Variants in KCNAB1 observed in about 807,000 individuals in gnomAD.
KCNAB1 encodes the protein voltage-gated potassium channel subunit beta-1.
Under a neutral mutation model 64.6 loss-of-function variants are expected in KCNAB1, and 35 were observed. The ratio of observed to expected loss-of-function variants is 0.54; its 90% CI spans 0.41 to 0.72. KCNAB1 has a LOEUF of 0.72. Among genes scored for constraint, KCNAB1 ranks in the 30% least tolerant of loss-of-function variants. The probability of loss-of-function intolerance (pLI) is 0.00; values close to 1 mark genes in which losing one functional copy is unlikely to be tolerated. For synonymous variants in KCNAB1, 177 were observed against 183.8 expected (o/e 0.96, Z 0.30); for missense variants, 401 against 512.9 (o/e 0.78, Z 2.11).
At chr3:156,497,605 A>C (rs1417248505) in intron 8 of KCNAB1, among the ~76,000 whole-genome samples, 1 of 152,246 alleles carries the variant, frequency 6.6e-6, no homozygotes, top group African/African-American at 2.4e-5. Flanking sequence ...TAAGGATGAC[A>C]TTTACACAAT....
At chr3:156,523,285 C>T (rs1484057336) in intron 11 of KCNAB1, among the ~76,000 whole-genome samples, 3 of 152,274 alleles carry the variant, frequency 2.0e-5, no homozygotes, top group Middle Eastern at 3.4e-3. Context: ...TAGGAAGAAG[C>T]TGCAGAAGCT....
chr3:156,223,366 A>G (rs1715912222), intron 1 of KCNAB1, among the ~76,000 whole-genome samples: 1 of 152,206 alleles, frequency 6.6e-6, no homozygotes, highest in African/African-American at 2.4e-5. Context: ...GGCCCTACCC[A>G]CATCCTGCTG....
intron 1 of KCNAB1, among the ~76,000 whole-genome samples, chr3:156,281,520 G>T (rs1037804327): frequency 4.6e-5 from 7 of 152,036 alleles, no homozygotes; most frequent in African/African-American, 1.7e-4. Flanking sequence ...CTATTGATTG[G>T]AATAGTTTCA....
intron 1 of KCNAB1, among the ~76,000 whole-genome samples, chr3:156,353,627 T>C (rs6441062): frequency 0.12 from 18,450 of 152,126 alleles, 2,989 homozygotes; most frequent in African/African-American, 0.38. Flanking sequence ...GGCTCAGAGG[T>C]AGGAAGAGCC....
chr3:156,399,080 C>A (rs969537769), intron 1 of KCNAB1, among the ~76,000 whole-genome samples: 5 of 152,164 alleles, frequency 3.3e-5, no homozygotes, highest in African/African-American at 1.2e-4. Context: ...TTTGGGGCAA[C>A]ATTTGGGCAT....
At chr3:156,431,678 A>G (rs778883395) in intron 2 of KCNAB1, among the ~76,000 whole-genome samples, 4 of 152,248 alleles carry the variant, frequency 2.6e-5, no homozygotes, top group Non-Finnish European at 5.9e-5. Flanking sequence ...CTTCCACAGT[A>G]AGCCAACAGA....
At chr3:156,305,446 A>G (rs1721433469) in intron 1 of KCNAB1, among the ~76,000 whole-genome samples, 1 of 152,180 alleles carries the variant, frequency 6.6e-6, no homozygotes, top group South Asian at 2.1e-4. Context: ...GTGGGATTGC[A>G]TTACAATACA....
intron 1 of KCNAB1, among the ~76,000 whole-genome samples, chr3:156,347,792 T>C (rs1188521638): frequency 6.6e-6 from 1 of 152,238 alleles, no homozygotes; most frequent in Non-Finnish European, 1.5e-5. Context: ...CTCATCTTTG[T>C]GTACTTCAAA....
At chr3:156,215,262 C>T (rs932605170) in intron 1 of KCNAB1, among the ~76,000 whole-genome samples, 1 of 152,188 alleles carries the variant, frequency 6.6e-6, no homozygotes, top group Non-Finnish European at 1.5e-5. Context: ...AACCTACGCT[C>T]TTGAGCAAGG....
At chr3:156,525,012 G>A (rs7611142) in intron 12 of KCNAB1, among the ~76,000 whole-genome samples, 74,730 of 151,882 alleles carry the variant, frequency 0.49, 18,623 homozygotes, top group East Asian at 0.62. Flanking sequence ...TGCACTGCCA[G>A]TAATATAAAA....
intron 3 of KCNAB1, chr3:156,457,208 C>T: frequency 7.8e-7 from 1 of 1,283,666 alleles, no homozygotes; most frequent in Non-Finnish European, 9.9e-7. Flanking sequence ...CAAATCTATC[C>T]ACTTTGGGCA....
intron 6 of KCNAB1, 80 bp downstream of exon 6, chr3:156,463,826 CG>C: frequency 1.8e-6 from 2 of 1,114,152 alleles, no homozygotes; most frequent in Non-Finnish European, 2.6e-6. Context: ...TTACATATAA[CG>C]TACCAAAATT....
At chr3:156,294,865 T>C (rs919279379) in intron 1 of KCNAB1, among the ~76,000 whole-genome samples, 1 of 152,192 alleles carries the variant, frequency 6.6e-6, no homozygotes, top group African/African-American at 2.4e-5. Context: ...TCACCAGAAT[T>C]TGAAAATGGT....
intron 8 of KCNAB1, among the ~76,000 whole-genome samples, chr3:156,489,189 G>A (rs1329505178): frequency 6.6e-6 from 1 of 152,050 alleles, no homozygotes; most frequent in African/African-American, 2.4e-5. Flanking sequence ...TTCAACCCTT[G>A]AGAATTGATG....
intron 1 of KCNAB1, among the ~76,000 whole-genome samples, chr3:156,209,806 C>T (rs1222884777): frequency 6.6e-6 from 1 of 152,194 alleles, no homozygotes; most frequent in Non-Finnish European, 1.5e-5. Context: ...ATGCCTTCAG[C>T]ATCTTGTTCA....
At chr3:156,241,688 A>G (rs1378653804) in intron 1 of KCNAB1, among the ~76,000 whole-genome samples, 1 of 152,046 alleles carries the variant, frequency 6.6e-6, no homozygotes, top group Non-Finnish European at 1.5e-5. Flanking sequence ...AGCACCTGGG[A>G]GAGTTCCTTC....
At chr3:156,176,417 G>A in intron 1 of KCNAB1, 3 of 783,942 alleles carry the variant, frequency 3.8e-6, no homozygotes, top group Non-Finnish European at 7.1e-6. Context: ...CACTGCTAGT[G>A]CAAACAAGGT....
At chr3:156,516,175 C>T in intron 10 of KCNAB1, 95 bp from the exon 11 acceptor site, 2 of 803,642 alleles carry the variant, frequency 2.5e-6, no homozygotes, top group South Asian at 3.0e-5. Context: ...TTCCCTATAA[C>T]CTACCAAATT....
chr3:156,453,344 C>A (rs114158399), intron 3 of KCNAB1: 1,764 of 154,388 alleles, frequency 0.011, 18 homozygotes, highest in South Asian at 0.032. Context: ...TTGCAGAAAC[C>A]CTCTCAGTCC....
Sources: allele counts gnomAD v4.1 joint callset (sites outside exome capture counted in the v4.1 genomes callset), GRCh38; gene constraint gnomAD v4.1.1; transcripts MANE v1.5; gene names NCBI Gene and HGNC (gene_info 2026-07-23, HGNC 2026-07-21).